The following CSMD1 variants were observed in gnomAD, a reference collection of about 807,000 sequenced individuals.
CSMD1 encodes CUB and Sushi multiple domains 1, also known as CUB and sushi domain-containing protein 1.
Under a neutral mutation model 417.5 loss-of-function variants are expected in CSMD1, and 213 were observed. That is an observed-to-expected ratio of 0.51 (90% CI 0.46 to 0.57). The LOEUF (loss-of-function observed/expected upper bound fraction) is 0.57, where lower values mean the gene tolerates loss of function less well. Ranked by LOEUF, CSMD1 falls within the 20% of genes least tolerant of loss-of-function variation. The pLI, the probability that CSMD1 is intolerant of heterozygous loss-of-function variation, is 0.00. For missense variants in CSMD1, 6,923 were observed against 4,529.7 expected (o/e 1.53, Z -15.17); for synonymous variants, 2,862 against 1,736.8 (o/e 1.65, Z -16.11).
At chr8:3,238,205 G>A (rs1439082631) in intron 26 of CSMD1, among the ~76,000 whole-genome samples, 1 of 151,978 alleles carries the variant, frequency 6.6e-6, no homozygotes, top group Non-Finnish European at 1.5e-5. Flanking sequence ...GTCACAAGGT[G>A]CTCAGCAGGG....
rs1290261785 is a variant in CSMD1, at chr8:3,918,291, A to G, written c.818+79612T>C. On this transcript the variant is annotated intron_variant, in intron 5 of 69. Coordinates refer to ENST00000635120, the MANE Select transcript of CSMD1 (RefSeq NM_033225.6). ...TTAGCAGCCTACAAACTCTTTTCAT[A>G]AGGACTGAGCCAATTTACATTCCTA... Among the ~76,000 whole-genome samples, 9 of 152,036 alleles carry G rather than the reference A, an allele frequency of 5.9e-5. No homozygotes were observed. The East Asian group carries it at 1.7e-3, about 29-fold the overall frequency.
At position 4,787,856 on chromosome 8, in the gene CSMD1, C is replaced by A. The variant is rs1461281170; in HGVS notation, c.86-150298G>T. ...GAAATGCTGGAGAAATCCTGGTTGC[C>A]CCAGAATTGTACACTGGTTGATATG... is the stretch of plus-strand genomic sequence containing the variant. On this transcript the variant is annotated intron_variant, in intron 1 of 69. Coordinates refer to ENST00000635120, the MANE Select transcript of CSMD1 (RefSeq NM_033225.6). The A allele has an allele frequency of 1.9e-6, 3 of 1,569,016 alleles. No individual in the cohort carries two copies. In the African/African-American group the frequency reaches 4.0e-5, roughly 21 times the overall value.
intron 2 of CSMD1, among the ~76,000 whole-genome samples, chr8:4,469,740 G>A (rs1043556340): frequency 3.9e-5 from 6 of 152,072 alleles, no homozygotes; most frequent in African/African-American, 9.7e-5. Context: ...TCTCTGCACA[G>A]GAGGCAATGG....
chr8:3,290,865 G>A (rs1016116389), intron 25 of CSMD1, among the ~76,000 whole-genome samples: 1 of 151,890 alleles, frequency 6.6e-6, no homozygotes, highest in East Asian at 1.9e-4. Flanking sequence ...ACACTATATT[G>A]AATAGGAGTG....
chr8:3,972,565 C>A (rs1813160765), intron 5 of CSMD1, among the ~76,000 whole-genome samples: 1 of 152,116 alleles, frequency 6.6e-6, no homozygotes, highest in African/African-American at 2.4e-5. Flanking sequence ...CTCACAGGGC[C>A]TCTTATGCTA....
chr8:4,193,144 A>G (rs1263663116), intron 3 of CSMD1, among the ~76,000 whole-genome samples: 1 of 152,194 alleles, frequency 6.6e-6, no homozygotes, highest in East Asian at 1.9e-4. Context: ...GACATCTGTA[A>G]AAGATAAGTT....
intron 1 of CSMD1, among the ~76,000 whole-genome samples, chr8:4,644,070 G>T (rs1340652089): frequency 6.6e-6 from 1 of 152,212 alleles, no homozygotes; most frequent in Non-Finnish European, 1.5e-5. Flanking sequence ...CTGCCTGAAA[G>T]AGAGCCAAGG....
chr8:3,308,285 C>T (rs774240284), intron 24 of CSMD1, 27 bp downstream of exon 24: 1 of 1,574,956 alleles, frequency 6.3e-7, no homozygotes. Context: ...GGCTTTTGCA[C>T]AATGGTATGA....
chr8:4,415,196 G>C, intron 3 of CSMD1, among the ~76,000 whole-genome samples: 1 of 152,062 alleles, frequency 6.6e-6, no homozygotes, highest in East Asian at 1.9e-4. Flanking sequence ...AGAGAACCCA[G>C]GCTCAGGATC....
At chr8:4,205,045 A>AT (rs934363450) in intron 3 of CSMD1, among the ~76,000 whole-genome samples, 18 of 152,140 alleles carry the variant, frequency 1.2e-4, no homozygotes, top group Non-Finnish European at 2.5e-4. Flanking sequence ...ATTTACCTCT[A>AT]TTTTTTTCAT....
chr8:4,832,985 C>T (rs573312331), intron 1 of CSMD1, among the ~76,000 whole-genome samples: 1 of 152,274 alleles, frequency 6.6e-6, no homozygotes, highest in African/African-American at 2.4e-5. Context: ...CCCTGGGCAC[C>T]ATTTCTGATT....
chr8:3,812,267 T>C (rs755697537), intron 5 of CSMD1, among the ~76,000 whole-genome samples: 1 of 152,184 alleles, frequency 6.6e-6, no homozygotes, highest in Admixed American at 6.5e-5. Context: ...AAAATAATAA[T>C]GCATTGTTTT....
At chr8:3,776,699 G>A (rs894604144) in intron 5 of CSMD1, among the ~76,000 whole-genome samples, 1 of 151,774 alleles carries the variant, frequency 6.6e-6, no homozygotes, top group Non-Finnish European at 1.5e-5. Flanking sequence ...CATACAGATG[G>A]CTACCTGGAG....
intron 7 of CSMD1, among the ~76,000 whole-genome samples, chr8:3,663,088 A>G (rs553708339): frequency 3.3e-5 from 5 of 152,166 alleles, no homozygotes; most frequent in Non-Finnish European, 4.4e-5. Context: ...TCAGAGCCCC[A>G]CAGAACTGCC....
intron 3 of CSMD1, among the ~76,000 whole-genome samples, chr8:4,177,299 T>C (rs944393404): frequency 6.6e-6 from 1 of 152,078 alleles, no homozygotes; most frequent in Non-Finnish European, 1.5e-5. Context: ...CTCAACTACA[T>C]GGAAACTGAA....
Position 3,132,574 on chromosome 8 carries a change from T to C in CSMD1, c.6241+9891A>G, listed in dbSNP as rs116997391. Among the ~76,000 whole-genome samples the C allele has an allele frequency of 7.2e-3, 1,094 of 152,270 alleles. 14 individuals are homozygous for C. The highest frequency in any genetic ancestry group is 0.031 in the Middle Eastern group (9 of 294). On this transcript the variant is annotated intron_variant, in intron 41 of 69. Coordinates refer to ENST00000635120, the MANE Select transcript of CSMD1 (RefSeq NM_033225.6). ...AGGACACCACCCCAAAATATGACTC[T>C]AGAAGACCAGAATATGCCACCCCAA...
At chr8:4,012,376 G>A (rs1005385278) in intron 4 of CSMD1, among the ~76,000 whole-genome samples, 1 of 152,046 alleles carries the variant, frequency 6.6e-6, no homozygotes, top group Admixed American at 6.6e-5. Context: ...TTCATTCATT[G>A]CCTTGTTGAT....
chr8:3,310,289 C>T (rs910312452), intron 23 of CSMD1, among the ~76,000 whole-genome samples: 18 of 152,124 alleles, frequency 1.2e-4, no homozygotes, highest in African/African-American at 3.4e-4. Context: ...TCTGTTTTCG[C>T]AGAGAGGAAA....
At chr8:3,267,351 G>T (rs1221345954) in intron 26 of CSMD1, among the ~76,000 whole-genome samples, 1 of 152,210 alleles carries the variant, frequency 6.6e-6, no homozygotes, top group Non-Finnish European at 1.5e-5. Context: ...GTACGAAAGG[G>T]GTGTTGATGC....
Sources: allele counts gnomAD v4.1 joint callset (sites outside exome capture counted in the v4.1 genomes callset), GRCh38; gene constraint gnomAD v4.1.1; transcripts MANE v1.5; gene names NCBI Gene and HGNC (gene_info 2026-07-23, HGNC 2026-07-21).